ZFYVE9: variants seen among roughly 807,000 people sequenced by gnomAD.
ZFYVE9 encodes the protein zinc finger FYVE domain-containing protein 9.
ZFYVE9 carries 43 observed loss-of-function variants against 126.7 expected under a neutral mutation model. The ratio of observed to expected loss-of-function variants is 0.34; its 90% CI spans 0.27 to 0.44. The LOEUF is 0.44. Among genes scored for constraint, ZFYVE9 ranks in the 20% least tolerant of loss-of-function variants. ZFYVE9 has a pLI of 1.00. For missense variants in ZFYVE9, 1,476 were observed against 1,697.0 expected, an observed-to-expected ratio of 0.87 and a Z score of 2.29; for synonymous variants, 521 against 597.4, an observed-to-expected ratio of 0.87 and a Z score of 1.87.
Position 52,281,826 on chromosome 1 carries a change from C to T in ZFYVE9, c.3025+10C>T. 1 of 1,613,988 alleles carries T rather than the reference C, an allele frequency of 6.2e-7. No individual in the cohort carries two copies. Reference sequence around the variant, plus strand: ...CGGGATGCTCTGGCAGGTAGGAATGCTTTATGACTTAGTCTGCTCCCTTTG... The same window carrying T: ...CGGGATGCTCTGGCAGGTAGGAATGTTTTATGACTTAGTCTGCTCCCTTTG... On this transcript the variant is annotated intron_variant, in intron 10 of 18. Coordinates refer to ENST00000287727, the MANE Select transcript of ZFYVE9 (RefSeq NM_004799.4).
chr1:52,210,035 T>G (rs1012259961), intron 1 of ZFYVE9, among the ~76,000 whole-genome samples: 4 of 152,072 alleles, frequency 2.6e-5, no homozygotes, highest in Non-Finnish European at 4.4e-5. Context: ...GCAGTGGGAA[T>G]GGAGAGAAGT....
rs572186869 is a variant in ZFYVE9, at chr1:52,190,142, C to T, written c.-142-26227C>T. On this transcript the variant is annotated intron_variant, in intron 1 of 18. Coordinates refer to ENST00000287727, the MANE Select transcript of ZFYVE9 (RefSeq NM_004799.4). ...GTAGCCAGTTCCCATTTTTCTACCA[C>T]TTATCAACTTGGAGCTGCTACTTTT... 10 of 165,142 alleles carry T rather than the reference C, an allele frequency of 6.1e-5. No individual in the cohort carries two copies. In the East Asian group the frequency reaches 1.4e-3, roughly 24 times the overall value. The allele number at this position is 165,142 out of a possible 1,614,324, so 10.2% of individuals were successfully genotyped here. A position where few individuals can be genotyped will look rare whatever the true frequency, so the allele number is the denominator to read the frequency against.
intron 3 of ZFYVE9, among the ~76,000 whole-genome samples, chr1:52,234,343 C>T (rs528866245): frequency 3.9e-5 from 6 of 152,224 alleles, no homozygotes; most frequent in Admixed American, 2.6e-4. Context: ...CACCTGTGGT[C>T]CCAGCTATTT....
intron 1 of ZFYVE9, among the ~76,000 whole-genome samples, chr1:52,181,705 C>CT (rs1644706367): frequency 6.6e-6 from 1 of 151,040 alleles, no homozygotes; most frequent in Non-Finnish European, 1.5e-5. Context: ...CGCCCATCGT[C>CT]TGAGATGTGG....
intron 1 of ZFYVE9, among the ~76,000 whole-genome samples, chr1:52,161,385 G>A (rs1245553043): frequency 6.6e-6 from 1 of 152,146 alleles, no homozygotes; most frequent in Non-Finnish European, 1.5e-5. Flanking sequence ...CGCCTCCTGG[G>A]TTCAAGCGAT....
chr1:52,177,451 C>G (rs1644646855), intron 1 of ZFYVE9, among the ~76,000 whole-genome samples: 1 of 152,110 alleles, frequency 6.6e-6, no homozygotes, highest in African/African-American at 2.4e-5. Context: ...TGGCCCAAGT[C>G]TGATGTTTCT....
At chr1:52,307,217 C>T (rs1276153396) in intron 13 of ZFYVE9, among the ~76,000 whole-genome samples, 1 of 152,064 alleles carries the variant, frequency 6.6e-6, no homozygotes, top group African/African-American at 2.4e-5. Flanking sequence ...CTGAGGCGCT[C>T]ATAGTTATTT....
chr1:52,147,828 C>T (rs144275785), intron 1 of ZFYVE9, among the ~76,000 whole-genome samples: 2 of 152,292 alleles, frequency 1.3e-5, no homozygotes, highest in Admixed American at 1.3e-4. Context: ...ACAATCCCAC[C>T]TGCGTTGTAT....
chr1:52,242,270 G>A (rs1645342343), intron 4 of ZFYVE9, among the ~76,000 whole-genome samples: 12 of 152,176 alleles, frequency 7.9e-5, no homozygotes, highest in Admixed American at 7.9e-4. Context: ...GACCTTAAGT[G>A]ATCCACTTGC....
At chr1:52,273,163 C>T (rs534792530) in intron 7 of ZFYVE9, among the ~76,000 whole-genome samples, 10 of 152,122 alleles carry the variant, frequency 6.6e-5, no homozygotes, top group East Asian at 1.9e-4. Flanking sequence ...TGCGCCACCA[C>T]GCCCAACTAA....
At chr1:52,176,587 C>T (rs1477124143) in intron 1 of ZFYVE9, among the ~76,000 whole-genome samples, 1 of 152,136 alleles carries the variant, frequency 6.6e-6, no homozygotes, top group African/African-American at 2.4e-5. Context: ...TGTGCCCTGC[C>T]CCCAGAGGTG....
chr1:52,316,930 A>G (rs1646191071), intron 13 of ZFYVE9, among the ~76,000 whole-genome samples: 1 of 152,150 alleles, frequency 6.6e-6, no homozygotes, highest in African/African-American at 2.4e-5. Flanking sequence ...AAAATAGACC[A>G]TTTTCTGTGG....
At chr1:52,260,807 A>T (rs960264412) in intron 4 of ZFYVE9, among the ~76,000 whole-genome samples, 9 of 152,030 alleles carry the variant, frequency 5.9e-5, no homozygotes, top group African/African-American at 2.2e-4. Flanking sequence ...ACAGAGCAAG[A>T]CTCTAGCTCA....
At chr1:52,178,531 A>G (rs1230415417) in intron 1 of ZFYVE9, among the ~76,000 whole-genome samples, 1 of 151,736 alleles carries the variant, frequency 6.6e-6, no homozygotes, top group Non-Finnish European at 1.5e-5. Context: ...GGGTTTCACC[A>G]TATTAGACAG....
chr1:52,217,894 C>A (rs1265886510), intron 2 of ZFYVE9, among the ~76,000 whole-genome samples: 1 of 152,160 alleles, frequency 6.6e-6, no homozygotes, highest in African/African-American at 2.4e-5. Context: ...TTTTCCCAGA[C>A]CATCTGGCTG....
At chr1:52,262,809 C>T (rs932422919) in intron 4 of ZFYVE9, among the ~76,000 whole-genome samples, 2 of 152,144 alleles carry the variant, frequency 1.3e-5, no homozygotes, top group Admixed American at 6.5e-5. Flanking sequence ...TGGTGGCTCA[C>T]GCCTGTAATC....
intron 4 of ZFYVE9, among the ~76,000 whole-genome samples, chr1:52,249,807 T>C (rs1319655894): frequency 6.6e-6 from 1 of 152,186 alleles, no homozygotes; most frequent in Non-Finnish European, 1.5e-5. Context: ...GTGTATAGTA[T>C]TAGCTTAGTT....
intron 1 of ZFYVE9, chr1:52,160,486 T>A: frequency 1.2e-6 from 1 of 800,976 alleles, no homozygotes; most frequent in Non-Finnish European, 2.3e-6. Context: ...GAGTGGCAGT[T>A]TCTTCACCTG....
At chr1:52,210,853 C>T (rs188283737) in intron 1 of ZFYVE9, among the ~76,000 whole-genome samples, 190 of 152,314 alleles carry the variant, frequency 1.2e-3, no homozygotes, top group African/African-American at 4.4e-3. Flanking sequence ...CGGGGTTTCG[C>T]CATGTTGGCC....
Sources: gnomAD v4.1 joint callset for allele counts (sites outside exome capture counted in the v4.1 genomes callset) on GRCh38, gnomAD v4.1.1 for gene constraint, MANE v1.5 for transcripts, NCBI Gene and HGNC (gene_info 2026-07-23, HGNC 2026-07-21) for gene names.